Variants in PPFIBP1 observed in about 807,000 individuals in gnomAD.
PPFIBP1 encodes the protein PPFIB scaffold protein 1, also known as liprin-beta-1.
A neutral mutation model predicts 137.8 loss-of-function variants in PPFIBP1; 112 were observed. That is an observed-to-expected ratio of 0.81 (90% CI 0.70 to 0.95). The LOEUF (loss-of-function observed/expected upper bound fraction) is 0.95. PPFIBP1 is among the 40% of genes least tolerant of loss of function. The probability of loss-of-function intolerance (pLI) is 0.00; values close to 1 mark genes in which losing one functional copy is unlikely to be tolerated. For missense variants in PPFIBP1, 1,083 were observed against 1,196.6 expected (o/e 0.91, Z 1.40); for synonymous variants, 378 against 417.3 (o/e 0.91, Z 1.15).
chr12:27,689,221 C>T lies in PPFIBP1; in HGVS notation c.2685+18C>T, dbSNP rs1334360278. On this transcript the variant is annotated intron_variant, in intron 27 of 29. Coordinates refer to ENST00000228425, the MANE Select transcript of PPFIBP1 (RefSeq NM_003622.4). ...AAGTGAAGGTTGGTTCAGGCTCATA[C>T]GGTTTAATAATTGCTTGGCGCAAAG... 2.0e-6 allele frequency: 3 copies of T among 1,523,144 alleles called. No homozygotes were observed. Among genetic ancestry groups the T allele is most frequent in the Admixed American group, 2.4e-5 (1 of 42,526 alleles). The allele number at this position is 1,523,144 out of a possible 1,614,324, so 94.4% of individuals were successfully genotyped here. A position where few individuals can be genotyped will look rare whatever the true frequency, so the allele number is the denominator to read the frequency against.
chr12:27,615,220 A>G (rs1213482792), intron 2 of PPFIBP1, among the ~76,000 whole-genome samples: 1 of 152,222 alleles, frequency 6.6e-6, no homozygotes, highest in Non-Finnish European at 1.5e-5. Flanking sequence ...CCAGGAAATT[A>G]TACAAGTTAT....
chr12:27,527,602 C>T (rs1260761472), intron 1 of PPFIBP1, among the ~76,000 whole-genome samples: 1 of 152,022 alleles, frequency 6.6e-6, no homozygotes, highest in Non-Finnish European at 1.5e-5. Context: ...CTTTTCAAAA[C>T]GATGAAGGAG....
At chr12:27,627,767 G>T (rs2056943999) in intron 2 of PPFIBP1, among the ~76,000 whole-genome samples, 1 of 151,822 alleles carries the variant, frequency 6.6e-6, no homozygotes, top group Non-Finnish European at 1.5e-5. Context: ...CTCTAAATGG[G>T]TCCTGACCAA....
chr12:27,677,200 C>A, intron 19 of PPFIBP1, 104 bp downstream of exon 19: 2 of 1,389,716 alleles, frequency 1.4e-6, no homozygotes, highest in Admixed American at 1.7e-5. Flanking sequence ...TGACAGCAAT[C>A]AGAAAATGTA....
chr12:27,578,763 C>T (rs1253414492), intron 2 of PPFIBP1, among the ~76,000 whole-genome samples: 7 of 152,170 alleles, frequency 4.6e-5, no homozygotes, highest in Admixed American at 2.6e-4. Flanking sequence ...TTGATTAATT[C>T]GATTCCATGT....
intron 21 of PPFIBP1, among the ~76,000 whole-genome samples, chr12:27,680,470 A>C (rs2060812310): frequency 6.6e-6 from 1 of 152,204 alleles, no homozygotes; most frequent in African/African-American, 2.4e-5. Flanking sequence ...CTTGAGCAAC[A>C]GCTTCCACAC....
At chr12:27,553,690 C>T (rs1428553275) in intron 1 of PPFIBP1, among the ~76,000 whole-genome samples, 1 of 152,212 alleles carries the variant, frequency 6.6e-6, no homozygotes, top group Non-Finnish European at 1.5e-5. Context: ...CTGCAGGGGG[C>T]ACCATTCATA....
intron 27 of PPFIBP1, among the ~76,000 whole-genome samples, chr12:27,691,306 T>C (rs145055471): frequency 7.4e-4 from 113 of 152,128 alleles, no homozygotes; most frequent in African/African-American, 2.4e-3. Context: ...CCAGGTGCAG[T>C]GGCTTGTGCC....
At chr12:27,567,596 G>C (rs765538805) in intron 1 of PPFIBP1, among the ~76,000 whole-genome samples, 7 of 152,140 alleles carry the variant, frequency 4.6e-5, no homozygotes, top group Non-Finnish European at 1.0e-4. Context: ...ATTGGCATGG[G>C]TGGTGATTAT....
At chr12:27,627,835 G>T in intron 2 of PPFIBP1, among the ~76,000 whole-genome samples, 1 of 123,148 alleles carries the variant, frequency 8.1e-6, no homozygotes. Context: ...CCCCGGTTTA[G>T]TCTCTTACTA....
At position 27,674,995 on chromosome 12, in the gene PPFIBP1, GT is replaced by G. The variant is rs1229577286; in HGVS notation, c.1410+785del. ...ACTCGGCTGTTTTTTTTTTTCGTTT[GT>G]TTTTTTTTTTATTTTTTATTTTTTA... On this transcript the variant is annotated intron_variant, in intron 17 of 29. Transcript: ENST00000228425. 4.7e-3 allele frequency among the ~76,000 whole-genome samples: 652 copies of G among 138,822 alleles called. 10 individuals carry two copies. The highest frequency in any genetic ancestry group is 0.014 in the African/African-American group (538 of 37,834). The allele number at this position is 138,822 out of a possible 152,430, so 91.1% of individuals were successfully genotyped here.
intron 4 of PPFIBP1, among the ~76,000 whole-genome samples, chr12:27,642,400 C>T (rs988562213): frequency 7.9e-5 from 12 of 152,188 alleles, no homozygotes; most frequent in East Asian, 7.7e-4. Context: ...CTGTGGAAGT[C>T]AGATCGACTC....
chr12:27,591,774 C>T (rs959437950), intron 2 of PPFIBP1, among the ~76,000 whole-genome samples: 2 of 152,222 alleles, frequency 1.3e-5, no homozygotes, highest in Admixed American at 1.3e-4. Context: ...CACATTGCTC[C>T]TAAGTGGGCC....
intron 2 of PPFIBP1, among the ~76,000 whole-genome samples, chr12:27,627,669 G>A (rs7963411): frequency 3.9e-5 from 6 of 151,912 alleles, no homozygotes; most frequent in Non-Finnish European, 7.4e-5. Flanking sequence ...GTCAGCAACC[G>A]TGCAAAAAAT....
At chr12:27,667,479 G>T (rs2059926466) in intron 13 of PPFIBP1, among the ~76,000 whole-genome samples, 159 bp downstream of exon 13, 2 of 152,152 alleles carry the variant, frequency 1.3e-5, no homozygotes, top group African/African-American at 4.8e-5. Flanking sequence ...CACTTCTGAT[G>T]GTGACTCTGA....
At chr12:27,673,890 T>C in intron 16 of PPFIBP1, 63 bp downstream of exon 16, 1 of 1,364,514 alleles carries the variant, frequency 7.3e-7, no homozygotes, top group Non-Finnish European at 1.0e-6. Flanking sequence ...TTTAGGGATC[T>C]TCATCTTTTC....
chr12:27,683,631 G>A (rs2061014188), intron 24 of PPFIBP1, among the ~76,000 whole-genome samples: 1 of 152,184 alleles, frequency 6.6e-6, no homozygotes, highest in South Asian at 2.1e-4. Flanking sequence ...CTTCATTATT[G>A]TACATTTCTA....
intron 26 of PPFIBP1, among the ~76,000 whole-genome samples, 189 bp downstream of exon 26, chr12:27,688,612 C>T (rs2061334499): frequency 6.6e-6 from 1 of 152,058 alleles, no homozygotes; most frequent in South Asian, 2.1e-4. Flanking sequence ...AATTTAAAGC[C>T]AGTTCTCTTT....
At chr12:27,570,095 A>C (rs1463054367) in intron 1 of PPFIBP1, among the ~76,000 whole-genome samples, 3 of 152,214 alleles carry the variant, frequency 2.0e-5, no homozygotes, top group African/African-American at 7.2e-5. Context: ...TGGTATATGT[A>C]AAATGGTAAC....
Sources: allele counts gnomAD v4.1 joint callset (sites outside exome capture counted in the v4.1 genomes callset), GRCh38; gene constraint gnomAD v4.1.1; transcripts MANE v1.5; gene names NCBI Gene and HGNC (gene_info 2026-07-23, HGNC 2026-07-21).